Variants in MSN observed in about 807,000 individuals in gnomAD.
MSN encodes the protein epididymis luminal protein 70.
MSN carries 2 observed loss-of-function variants against 48.0 expected under a neutral mutation model. The observed-to-expected ratio is 0.04, with a 90% confidence interval of 0.02 to 0.13. The LOEUF is 0.13. Among genes scored for constraint, MSN ranks in the 10% least tolerant of loss-of-function variants. The pLI is 1.00. For synonymous variants in MSN, 146 were observed against 166.9 expected, an observed-to-expected ratio of 0.87 and a Z score of 0.97; for missense variants, 267 against 470.1, an observed-to-expected ratio of 0.57 and a Z score of 3.99.
At chrX:65,616,806 C>T (rs1208271127) in intron 1 of MSN, among the ~76,000 whole-genome samples, 1 of 109,359 alleles carries the variant, frequency 9.1e-6, no homozygotes, top group Admixed American at 9.8e-5. Context: ...GGAATGCTTC[C>T]AGTTTTTTCC....
chrX:65,740,221 A>C lies in MSN; in HGVS notation c.*328A>C. ...ATGCCCTTACACTTACTGTTGTCCT[A>C]TGGGAGTCAAGTGTGGAGTAGGTTG... On this transcript the variant is annotated 3_prime_UTR_variant, in exon 13 of 13. Coordinates refer to ENST00000360270, the MANE Select transcript of MSN (RefSeq NM_002444.3). 1 of 219,246 alleles carries C rather than the reference A, an allele frequency of 4.6e-6. No individual in the cohort carries two copies. Among genetic ancestry groups the C allele is most frequent in the Non-Finnish European group, 8.4e-6 (1 of 119,573 alleles). The allele number at this position is 219,246 out of a possible 1,213,427, so 18.1% of individuals were successfully genotyped here.
chrX:65,696,458 G>A (rs1225988802), intron 1 of MSN, among the ~76,000 whole-genome samples: 6 of 111,901 alleles, frequency 5.4e-5, no homozygotes, highest in African/African-American at 2.0e-4. Flanking sequence ...ATGGAACAAT[G>A]TATGTTGCCT....
upstream of MSN, among the ~76,000 whole-genome samples, chrX:65,666,838 G>A (rs1402755109): frequency 9.0e-6 from 1 of 111,404 alleles, no homozygotes; most frequent in Non-Finnish European, 1.9e-5. Context: ...TGACAAGAAG[G>A]AGAAAGGGAG....
At chrX:65,680,082 A>G (rs964953679) in intron 1 of MSN, among the ~76,000 whole-genome samples, 3 of 112,130 alleles carry the variant, frequency 2.7e-5, no homozygotes, top group Non-Finnish European at 5.6e-5. Flanking sequence ...TGGTGGATCA[A>G]AATGGCTGTT....
intron 1 of MSN, among the ~76,000 whole-genome samples, chrX:65,617,472 A>G (rs1268735602): frequency 9.6e-6 from 1 of 104,569 alleles, no homozygotes; most frequent in Non-Finnish European, 1.9e-5. Context: ...CATTTCTTCT[A>G]GATTTTCTAG....
chrX:65,716,738 G>A, intron 1 of MSN, 80 bp from the exon 2 acceptor site: 1 of 883,155 alleles, frequency 1.1e-6, no homozygotes, highest in South Asian at 2.1e-5. Context: ...CTTCCTCTGT[G>A]GTTGAGCAGA....
At chrX:65,607,181 G>T (rs1376850667) in intron 1 of MSN, among the ~76,000 whole-genome samples, 3 of 112,424 alleles carry the variant, frequency 2.7e-5, no homozygotes, top group African/African-American at 6.5e-5. Flanking sequence ...GGCGAGAGAA[G>T]TTTAGCAACT....
intron 1 of MSN, among the ~76,000 whole-genome samples, chrX:65,688,406 G>C (rs752382141): frequency 9.0e-6 from 1 of 111,317 alleles, no homozygotes; most frequent in East Asian, 2.8e-4. Flanking sequence ...TTTTACATAA[G>C]GGAAAACTGG....
intron 1 of MSN, among the ~76,000 whole-genome samples, chrX:65,654,075 T>C (rs1057124659): frequency 8.6e-5 from 9 of 104,317 alleles, no homozygotes; most frequent in South Asian, 4.5e-4. Context: ...TGCACCTGGC[T>C]CTATGCAATC....
intron 1 of MSN, among the ~76,000 whole-genome samples, chrX:65,688,904 A>G (rs780391658): frequency 1.8e-5 from 2 of 111,915 alleles, no homozygotes; most frequent in South Asian, 7.4e-4. Flanking sequence ...TTGTTTTGCC[A>G]TGCTCCTGGA....
At chrX:65,636,187 C>T (rs915492808) in intron 1 of MSN, among the ~76,000 whole-genome samples, 16 of 111,354 alleles carry the variant, frequency 1.4e-4, no homozygotes, top group Non-Finnish European at 2.4e-4. Flanking sequence ...GGAGAGGCAG[C>T]CCTGACTGTG....
At chrX:65,589,830 C>G (rs1159954280) in intron 1 of MSN, 3 of 110,960 alleles carry the variant, frequency 2.7e-5, no homozygotes, top group African/African-American at 1.0e-4. Flanking sequence ...GCTCAGGGCC[C>G]ACTGGTCCAA....
chrX:65,675,522 A>G (rs1382439348), intron 1 of MSN, among the ~76,000 whole-genome samples: 1 of 111,860 alleles, frequency 8.9e-6, no homozygotes, highest in Non-Finnish European at 1.9e-5. Context: ...AGCCACAGAT[A>G]TAAGCATAGA....
chrX:65,635,899 C>T (rs2070595146), intron 1 of MSN, among the ~76,000 whole-genome samples: 1 of 112,175 alleles, frequency 8.9e-6, no homozygotes, highest in South Asian at 3.7e-4. Context: ...CTAGTATCAC[C>T]CCTTCAATAT....
intron 1 of MSN, among the ~76,000 whole-genome samples, chrX:65,620,634 G>T (rs1050847668): frequency 3.6e-5 from 4 of 112,483 alleles, no homozygotes; most frequent in Non-Finnish European, 7.5e-5. Context: ...GATGAACCCG[G>T]TACCTCAGAT....
intron 1 of MSN, among the ~76,000 whole-genome samples, chrX:65,616,918 A>T (rs376401760): frequency 1.8e-5 from 2 of 110,502 alleles, no homozygotes; most frequent in Admixed American, 1.9e-4. Context: ...TAGCATGAAG[A>T]GTTGTTGAAT....
intron 7 of MSN, 110 bp downstream of exon 7, chrX:65,733,390 G>T: frequency 1.6e-6 from 1 of 607,278 alleles, no homozygotes; most frequent in Non-Finnish European, 2.7e-6. Flanking sequence ...GTGTGTACGT[G>T]TGTGCGCGCA....
rs1282676252 is a variant in MSN at position 65,738,512 on chromosome X, A to G, written c.1252-13A>G. 1 of 1,197,346 alleles carries G rather than the reference A, an allele frequency of 8.4e-7. No homozygotes were observed. Among genetic ancestry groups the G allele is most frequent in the Non-Finnish European group, 1.1e-6 (1 of 888,318 alleles). On this transcript the variant is annotated splice_polypyrimidine_tract_variant and intron_variant, in intron 10 of 12. Transcript: ENST00000360270. ...GAAGGCCCAGCTCTCACAGGCTTCC[A>G]ATTTATCCGTAGGCCTTGGAAATGG...
chrX:65,651,542 G>A (rs1392973905), intron 1 of MSN, among the ~76,000 whole-genome samples: 2 of 101,299 alleles, frequency 2.0e-5, no homozygotes, highest in Non-Finnish European at 3.9e-5. Flanking sequence ...AGTAAAAATG[G>A]GCAAGGAAAG....
Sources: gnomAD v4.1 joint callset for allele counts (sites outside exome capture counted in the v4.1 genomes callset) on GRCh38, gnomAD v4.1.1 for gene constraint, MANE v1.5 for transcripts, NCBI Gene and HGNC (gene_info 2026-07-23, HGNC 2026-07-21) for gene names.